The following PRORP variants were observed in gnomAD, a reference collection of about 807,000 sequenced individuals.
The protein encoded by PRORP is mitochondrial ribonuclease P catalytic subunit.
Under a neutral mutation model 59.4 loss-of-function variants are expected in PRORP, and 51 were observed. The ratio of observed to expected loss-of-function variants is 0.86; its 90% CI spans 0.69 to 1.08. PRORP has a LOEUF of 1.08. Ranked by LOEUF, PRORP falls within the 50% of genes least tolerant of loss-of-function variation. The pLI, the probability that PRORP is intolerant of heterozygous loss-of-function variation, is 0.00. For missense variants in PRORP, 646 were observed against 690.3 expected, an observed-to-expected ratio of 0.94 and a Z score of 0.72; for synonymous variants, 231 against 245.6, an observed-to-expected ratio of 0.94 and a Z score of 0.55.
intron 4 of PRORP, among the ~76,000 whole-genome samples, chr14:35,170,411 T>G (rs543159977): frequency 6.6e-6 from 1 of 152,162 alleles, no homozygotes; most frequent in Admixed American, 6.6e-5. Flanking sequence ...TTAAAAAATT[T>G]TATCAACTCT....
At chr14:35,162,673 C>T (rs186343352) in intron 4 of PRORP, among the ~76,000 whole-genome samples, 342 of 151,864 alleles carry the variant, frequency 2.3e-3, no homozygotes, top group Non-Finnish European at 3.9e-3. Context: ...CCTTTTATGG[C>T]TCCTGGGTTT....
At chr14:35,196,762 G>A (rs2049019422) in intron 5 of PRORP, among the ~76,000 whole-genome samples, 1 of 152,012 alleles carries the variant, frequency 6.6e-6, no homozygotes, top group Non-Finnish European at 1.5e-5. Flanking sequence ...ACTTCCTTTT[G>A]TCATGTATCA....
intron 5 of PRORP, among the ~76,000 whole-genome samples, chr14:35,212,243 G>A (rs962606053): frequency 1.3e-5 from 2 of 152,078 alleles, no homozygotes; most frequent in African/African-American, 4.8e-5. Context: ...CCATCCATGA[G>A]TATTGGAATC....
intron 4 of PRORP, among the ~76,000 whole-genome samples, chr14:35,165,701 A>G (rs1447022714): frequency 1.3e-5 from 2 of 150,826 alleles, no homozygotes; most frequent in East Asian, 3.9e-4. Context: ...TTTTTTGGAG[A>G]CAGAGTCTTG....
At chr14:35,250,109 A>G (rs906813165) in intron 5 of PRORP, among the ~76,000 whole-genome samples, 11 of 151,982 alleles carry the variant, frequency 7.2e-5, no homozygotes, top group Admixed American at 3.3e-4. Context: ...ATAGCTGGGC[A>G]TGGTGGCGCA....
At chr14:35,270,368 G>C (rs777611017) in intron 6 of PRORP, 33 bp from the exon 7 acceptor site, 3 of 1,599,942 alleles carry the variant, frequency 1.9e-6, no homozygotes, top group Non-Finnish European at 2.6e-6. Flanking sequence ...CTTCAGCTGT[G>C]CTTGATTGTG....
chr14:35,216,879 C>G (rs1390746145), intron 5 of PRORP, among the ~76,000 whole-genome samples: 1 of 152,088 alleles, frequency 6.6e-6, no homozygotes, highest in South Asian at 2.1e-4. Context: ...ATTTTTGACT[C>G]GTGTTTCTCT....
chr14:35,199,227 C>T (rs1282599969), intron 5 of PRORP, among the ~76,000 whole-genome samples: 3 of 150,686 alleles, frequency 2.0e-5, no homozygotes, highest in Non-Finnish European at 4.4e-5. Flanking sequence ...CCCAGCTACT[C>T]GGGAGGCTGA....
intron 2 of PRORP, 87 bp from the exon 3 acceptor site, chr14:35,126,648 T>G: frequency 9.8e-7 from 1 of 1,023,788 alleles, no homozygotes; most frequent in Non-Finnish European, 1.5e-6. Context: ...GACTTCTTGC[T>G]TATAAGAGTT....
chr14:35,243,679 G>A (rs552498503), intron 5 of PRORP, among the ~76,000 whole-genome samples: 1 of 152,250 alleles, frequency 6.6e-6, no homozygotes, highest in Middle Eastern at 3.4e-3. Flanking sequence ...GCCTAGGTTC[G>A]AAACCTAGTT....
At chr14:35,210,977 T>TCA (rs972257065) in intron 5 of PRORP, among the ~76,000 whole-genome samples, 1 of 151,890 alleles carries the variant, frequency 6.6e-6, no homozygotes, top group African/African-American at 2.4e-5. Flanking sequence ...CTTACTATGT[T>TCA]GCCCAGGCTG....
At chr14:35,198,352 G>A (rs1310323470) in intron 5 of PRORP, among the ~76,000 whole-genome samples, 1 of 152,186 alleles carries the variant, frequency 6.6e-6, no homozygotes, top group African/African-American at 2.4e-5. Flanking sequence ...ACGAACCGGT[G>A]AATGGATTGT....
chr14:35,253,761 T>A (rs2050677471), intron 5 of PRORP, among the ~76,000 whole-genome samples: 1 of 152,126 alleles, frequency 6.6e-6, no homozygotes, highest in Admixed American at 6.6e-5. Flanking sequence ...CTTGAAATGC[T>A]CCTTATAGTC....
chr14:35,225,017 AC>A (rs1353899422), intron 5 of PRORP, among the ~76,000 whole-genome samples: 1 of 152,034 alleles, frequency 6.6e-6, no homozygotes, highest in Non-Finnish European at 1.5e-5. Flanking sequence ...AATTATTTCT[AC>A]CTATCCATGT....
At chr14:35,254,342 A>C (rs948999285) in intron 5 of PRORP, among the ~76,000 whole-genome samples, 9 of 152,102 alleles carry the variant, frequency 5.9e-5, no homozygotes, top group African/African-American at 2.2e-4. Context: ...TGATCTCTCT[A>C]AAATGGAAGT....
chr14:35,255,746 G>A (rs1197629575), intron 5 of PRORP, among the ~76,000 whole-genome samples: 1 of 152,110 alleles, frequency 6.6e-6, no homozygotes, highest in Non-Finnish European at 1.5e-5. Flanking sequence ...ATACCATAGG[G>A]ATGCAATCGG....
At chr14:35,180,914 C>G (rs566034705) in intron 5 of PRORP, 137 bp downstream of exon 5, 1 of 608,084 alleles carries the variant, frequency 1.6e-6, no homozygotes, top group Admixed American at 3.1e-5. Flanking sequence ...CAGTGACCAA[C>G]TGCATGCTCC....
At chr14:35,230,050 C>CTTTTTTTTTTTT (rs35309046) in intron 5 of PRORP, among the ~76,000 whole-genome samples, 1 of 109,138 alleles carries the variant, frequency 9.2e-6, no homozygotes, top group African/African-American at 3.3e-5. Flanking sequence ...ACTGTAAATT[C>CTTTTTTTTTTTT]TTTTTTTTTT....
chr14:35,123,622 A>G lies in PRORP; in HGVS notation c.377A>G (p.Lys126Arg). The G allele has an allele frequency of 1.2e-6, 2 of 1,614,224 alleles. No homozygotes were observed. Among genetic ancestry groups the G allele is most frequent in the South Asian group, 1.1e-5 (1 of 91,086 alleles). The change falls in exon 2 of 8, where the codon AAA (lysine) becomes AGA (arginine). Residue 126 changes from lysine to arginine, a missense_variant. Lys to Arg is a conservative substitution (Grantham distance 26). Coordinates refer to ENST00000534898, the MANE Select transcript of PRORP (RefSeq NM_014672.4). The stretch of plus-strand genomic sequence containing the variant: ...CCTTTGAATTCAGAGGAGTGGGATA[A>G]ACTTAAGGAAGATTTAAAAGAAAAC... Reference protein sequence around the residue: ...TQPLNSEEWDKLKEDLKENTG... With the variant: ...TQPLNSEEWDRLKEDLKENTG...
Sources: gnomAD v4.1 joint callset for allele counts (sites outside exome capture counted in the v4.1 genomes callset) on GRCh38, gnomAD v4.1.1 for gene constraint, MANE v1.5 for transcripts, NCBI Gene and HGNC (gene_info 2026-07-23, HGNC 2026-07-21) for gene names.